DCSTAMP: variants seen among roughly 807,000 people sequenced by gnomAD.
The protein encoded by DCSTAMP is dendrocyte expressed seven transmembrane protein, also known as dendritic cell-specific transmembrane protein.
A neutral mutation model predicts 33.8 loss-of-function variants in DCSTAMP; 25 were observed. That is an observed-to-expected ratio of 0.74 (90% CI 0.54 to 1.03). The LOEUF (loss-of-function observed/expected upper bound fraction) is 1.03. Among genes scored for constraint, DCSTAMP ranks in the 50% least tolerant of loss-of-function variants. The pLI, the probability that DCSTAMP is intolerant of heterozygous loss-of-function variation, is 0.00. For missense variants in DCSTAMP, 531 were observed against 556.8 expected, an observed-to-expected ratio of 0.95 and a Z score of 0.47; for synonymous variants, 245 against 216.7, an observed-to-expected ratio of 1.13 and a Z score of -1.15.
At chr8:104,340,755 G>A (rs563082013) in intron 1 of DCSTAMP, among the ~76,000 whole-genome samples, 2 of 152,302 alleles carry the variant, frequency 1.3e-5, no homozygotes, top group Non-Finnish European at 2.9e-5. Flanking sequence ...TCCGTTTGGC[G>A]CTCTTTTCCT....
At chr8:104,347,587 TAA>T (rs1452759950) in intron 1 of DCSTAMP, among the ~76,000 whole-genome samples, 8 of 152,314 alleles carry the variant, frequency 5.3e-5, no homozygotes, top group Admixed American at 5.2e-4. Flanking sequence ...TGGCTTAAAA[TAA>T]ATCAGCATTT....
chr8:104,354,894 T>C lies in DCSTAMP; in HGVS notation c.1047T>C (p.Asp349=), dbSNP rs1810573677. 6.3e-7 allele frequency: 1 copy of C among 1,596,974 alleles called. No individual in the cohort carries two copies. ...KLHGEKQGTQ[D]IIHDSSFNIS... ...CATTTTAGAAACAAGGAACTCAAGATATTATCCATGATTCTTCCTTTAATA... is the reference window on the plus strand; with the variant it reads ...CATTTTAGAAACAAGGAACTCAAGACATTATCCATGATTCTTCCTTTAATA... The change falls in exon 3 of 4, where the codon GAT becomes GAC. Residue 349 remains aspartate, a synonymous_variant. Transcript: ENST00000297581.
chr8:104,348,448 C>T lies in DCSTAMP; in HGVS notation c.-12-93C>T, dbSNP rs994511858. The stretch of plus-strand genomic sequence containing the variant: ...CAGGAAGAGTAAAGAATTATGGCCA[C>T]GTTTTTTGTAGTCAGTCTACCACCA... On this transcript the variant is annotated intron_variant, in intron 1 of 3. Coordinates refer to ENST00000297581, the MANE Select transcript of DCSTAMP (RefSeq NM_030788.4). 1.5e-5 allele frequency: 19 copies of T among 1,292,452 alleles called. No homozygotes were observed. In the African/African-American group the frequency reaches 2.1e-4, roughly 14 times the overall value. 80.1% of individuals were successfully genotyped at this position (1,292,452 alleles called of 1,614,324 possible). A position where few individuals can be genotyped will look rare whatever the true frequency, so the allele number is the denominator to read the frequency against.
chr8:104,348,286 A>G (rs965444428), intron 1 of DCSTAMP, among the ~76,000 whole-genome samples: 1 of 152,150 alleles, frequency 6.6e-6, no homozygotes, highest in African/African-American at 2.4e-5. Flanking sequence ...CAGGATTGTC[A>G]CTGTCATTTC....
chr8:104,348,329 G>A (rs935360555), intron 1 of DCSTAMP, among the ~76,000 whole-genome samples: 1 of 152,064 alleles, frequency 6.6e-6, no homozygotes, highest in Admixed American at 6.5e-5. Context: ...AAGTCACAAG[G>A]CCAGGTCAGA....
Position 104,348,766 on chromosome 8 carries a change from C to A in DCSTAMP, c.214C>A (p.Leu72Met), listed in dbSNP as rs61682032. ...AASWIITCVL[L>M]CCSKHARCFI... ...CTCCTGGATTATCACGTGTGTTCTG[C>A]TGTGTTGCTCCAAGCATGCACGATG... is the stretch of plus-strand genomic sequence containing the variant. Residue 72 changes from leucine to methionine, a missense_variant, in exon 2 of 4, where the codon CTG (leucine) becomes ATG (methionine). By Grantham distance (15) the Leu-to-Met change is conservative. Transcript: ENST00000297581. 0.014 allele frequency: 22,016 copies of A among 1,614,178 alleles called. 304 individuals carry two copies. The highest frequency in any genetic ancestry group is 0.063 in the African/African-American group (4,723 of 75,038).
At chr8:104,351,936 T>A (rs1037450837) in intron 2 of DCSTAMP, among the ~76,000 whole-genome samples, 19 of 152,320 alleles carry the variant, frequency 1.2e-4, no homozygotes, top group South Asian at 2.1e-4. Context: ...TTTCTTTTTT[T>A]AAAAAGATTA....
chr8:104,345,034 A>T (rs186141357), intron 1 of DCSTAMP, among the ~76,000 whole-genome samples: 2 of 152,004 alleles, frequency 1.3e-5, no homozygotes, highest in Admixed American at 6.6e-5. Context: ...GGGCTCAATC[A>T]AGCAATCCTC....
chr8:104,354,278 C>T (rs1362019714), intron 2 of DCSTAMP, among the ~76,000 whole-genome samples: 5 of 152,216 alleles, frequency 3.3e-5, no homozygotes, highest in East Asian at 1.9e-4. Context: ...AATAATCCCC[C>T]CTAAGCTCCA....
At chr8:104,352,939 G>A (rs561425303) in intron 2 of DCSTAMP, among the ~76,000 whole-genome samples, 1 of 152,194 alleles carries the variant, frequency 6.6e-6, no homozygotes, top group African/African-American at 2.4e-5. Flanking sequence ...GGGGCTCCTT[G>A]TCTTCACCAT....
At chr8:104,341,620 C>A (rs559006775) in intron 1 of DCSTAMP, among the ~76,000 whole-genome samples, 2 of 152,332 alleles carry the variant, frequency 1.3e-5, no homozygotes, top group South Asian at 2.1e-4. Flanking sequence ...CTTGGCCCTG[C>A]ATGAAAGCAG....
At chr8:104,350,310 G>A (rs971125665) in intron 2 of DCSTAMP, among the ~76,000 whole-genome samples, 1 of 152,198 alleles carries the variant, frequency 6.6e-6, no homozygotes, top group South Asian at 2.1e-4. Context: ...GTGAACCTAA[G>A]AGACACGGAT....
chr8:104,346,899 C>T (rs1588371644), intron 1 of DCSTAMP, among the ~76,000 whole-genome samples: 3 of 152,224 alleles, frequency 2.0e-5, no homozygotes, highest in South Asian at 4.1e-4. Flanking sequence ...TCATCTTACA[C>T]GACAAATGTA....
intron 1 of DCSTAMP, among the ~76,000 whole-genome samples, chr8:104,343,893 C>A (rs563458924): frequency 1.3e-5 from 2 of 152,336 alleles, no homozygotes; most frequent in East Asian, 3.9e-4. Context: ...CCAGCCTCCA[C>A]CACTGTGAGA....
At chr8:104,348,442 TG>T in intron 1 of DCSTAMP, 98 bp from the exon 2 acceptor site, 1 of 1,213,488 alleles carries the variant, frequency 8.2e-7, no homozygotes, top group Non-Finnish European at 1.1e-6. Flanking sequence ...TAAAGAATTA[TG>T]GCCACGTTTT....
chr8:104,343,287 A>G (rs2099383270), intron 1 of DCSTAMP, among the ~76,000 whole-genome samples: 1 of 152,222 alleles, frequency 6.6e-6, no homozygotes, highest in African/African-American at 2.4e-5. Flanking sequence ...AGATGTAGCT[A>G]CAATAGTACA....
At chr8:104,352,597 A>AG (rs1284776328) in intron 2 of DCSTAMP, among the ~76,000 whole-genome samples, 11 of 151,902 alleles carry the variant, frequency 7.2e-5, no homozygotes, top group African/African-American at 2.7e-4. Flanking sequence ...TGTTAGATAG[A>AG]GGGGAAAAAA....
chr8:104,349,032 A>G lies in DCSTAMP; in HGVS notation c.480A>G (p.Val160=), dbSNP rs776410310. The change falls in exon 2 of 4, where the codon GTA becomes GTG. Residue 160 remains valine, a synonymous_variant. Transcript: ENST00000297581. ...WIYGLATPLS[V]FDDLVSWNQT... is the part of the protein sequence containing the mutation. ...ATGGCCTTGCCACTCCACTAAGTGT[A>G]TTTGATGACCTTGTTTCTTGGAACC... The G allele has an allele frequency of 3.7e-6, 6 of 1,614,208 alleles. No individual in the cohort carries two copies. The highest frequency in any genetic ancestry group is 5.1e-6 in the Non-Finnish European group (6 of 1,180,050).
chr8:104,349,997 C>T (rs1810418703), intron 2 of DCSTAMP, among the ~76,000 whole-genome samples: 1 of 152,166 alleles, frequency 6.6e-6, no homozygotes, highest in Non-Finnish European at 1.5e-5. Context: ...TCTGCTCTGT[C>T]ATCGCATCAC....
Sources: gnomAD v4.1 joint callset for allele counts (sites outside exome capture counted in the v4.1 genomes callset) on GRCh38, gnomAD v4.1.1 for gene constraint, MANE v1.5 for transcripts, NCBI Gene and HGNC (gene_info 2026-07-23, HGNC 2026-07-21) for gene names.